Variants in TPM1 observed in about 807,000 individuals in gnomAD.
TPM1 encodes tropomyosin 1.
Under a neutral mutation model 42.9 loss-of-function variants are expected in TPM1, and 24 were observed. That is an observed-to-expected ratio of 0.56 (90% confidence interval 0.41 to 0.79). The LOEUF (loss-of-function observed/expected upper bound fraction) is 0.79, where lower values mean the gene tolerates loss of function less well. Among genes scored for constraint, TPM1 ranks in the 30% least tolerant of loss-of-function variants. The probability of loss-of-function intolerance (pLI) is 0.00; values close to 1 mark genes in which losing one functional copy is unlikely to be tolerated. For synonymous variants in TPM1, 136 were observed against 130.1 expected (o/e 1.05, Z -0.31); for missense variants, 158 against 351.8 (o/e 0.45, Z 4.41).
chr15:63,058,862 C>A (rs1402517495), intron 3 of TPM1, among the ~76,000 whole-genome samples: 1 of 152,142 alleles, frequency 6.6e-6, no homozygotes, highest in South Asian at 2.1e-4. Flanking sequence ...CGCTATAGGA[C>A]CCTAATATAC....
Position 63,064,406 on chromosome 15 carries a change from A to G in TPM1, c.851+264A>G, listed in dbSNP as rs116402578. The G allele has an allele frequency of 6.6e-4, 862 of 1,308,060 alleles. 8 individuals are homozygous for G. In the African/African-American group the frequency reaches 0.012, roughly 18 times the overall value. The allele number at this position is 1,308,060 out of a possible 1,614,324, so 81.0% of individuals were successfully genotyped here. ...CTAGAGCAGTGAACTAGAATGAGTG[A>G]CCTTGAGCACTGTCCTTTTGGGAAA... is the stretch of plus-strand genomic sequence containing the variant. On this transcript the variant is annotated intron_variant, in intron 9 of 9. Transcript: ENST00000403994.
chr15:63,066,146 A>G lies in TPM1; in HGVS notation c.*247A>G, dbSNP rs1322703636. ...TATTTATTGACATTTTAGTTTCAAC[A>G]TTGAATAAAACTACAAAGCTGCTTC... On this transcript the variant is annotated 3_prime_UTR_variant, in exon 10 of 10. Coordinates refer to ENST00000403994, the MANE Select transcript of TPM1 (RefSeq NM_001018005.2). 1.8e-5 allele frequency: 26 copies of G among 1,466,076 alleles called. No homozygotes were observed. The Admixed American group carries it at 6.5e-4, about 36-fold the overall frequency. The allele number at this position is 1,466,076 out of a possible 1,614,324, so 90.8% of individuals were successfully genotyped here.
At chr15:63,046,871 G>A (rs2032497398) in intron 2 of TPM1, 1 of 152,302 alleles carries the variant, frequency 6.6e-6, no homozygotes, top group Admixed American at 6.5e-5. Flanking sequence ...CCAGGCGGCA[G>A]CATTTAAAAA....
chr15:63,048,439 G>T (rs894496898), intron 2 of TPM1: 105 of 1,352,234 alleles, frequency 7.8e-5, no homozygotes, highest in Non-Finnish European at 9.5e-5. Context: ...GGCCGCAGGG[G>T]GCGCCGCCAT....
chr15:63,065,841 T>G (rs1442601675), intron 9 of TPM1, 55 bp from the exon 10 acceptor site: 183 of 1,570,926 alleles, frequency 1.2e-4, no homozygotes, highest in Non-Finnish European at 1.6e-4. Context: ...TTCTTTTTTT[T>G]TTTTTTCTCA....
In TPM1 at chr15:63,042,880, C is replaced by G. The variant is rs878854150; in HGVS notation, c.51C>G (p.Asn17Lys). 1.9e-6 allele frequency: 3 copies of G among 1,613,202 alleles called. No homozygotes were observed. The highest frequency in any genetic ancestry group is 2.5e-6 in the Non-Finnish European group (3 of 1,179,486). Residue 17 changes from asparagine to lysine, a missense_variant, in exon 1 of 10, where the codon AAC (asparagine) becomes AAG (lysine). Around this residue, in one of 4 missense-constraint regions of TPM1, gnomAD observed 24 missense variants for 26.8 expected, o/e 0.89. Transcript: ENST00000403994. ...KMQMLKLDKE[N>K]ALDRAEQAEA... ...AGATGCTGAAGCTCGACAAGGAGAA[C>G]GCCTTGGATCGAGCTGAGCAGGCGG... is the stretch of plus-strand genomic sequence containing the variant.
chr15:63,050,668 G>A (rs1025348042), intron 2 of TPM1, among the ~76,000 whole-genome samples: 1 of 152,138 alleles, frequency 6.6e-6, no homozygotes, highest in African/African-American at 2.4e-5. Context: ...CAATCTACCT[G>A]GGTGATTGAT....
rs187426434 is a variant in TPM1, at chr15:63,060,515, A to C, written c.493-354A>C. On this transcript the variant is annotated intron_variant, in intron 4 of 9. Transcript: ENST00000403994. ...CTTAGGTTTACTTTGTTTTCCTGGC[A>C]GCCCCCACCTTTTTAGTACATGTCT... Among the ~76,000 whole-genome samples, 22 of 152,302 alleles carry C rather than the reference A, an allele frequency of 1.4e-4. No homozygotes were observed. In the East Asian group the frequency reaches 2.5e-3, roughly 17 times the overall value.
At chr15:63,057,605 A>G (rs191765271) in intron 3 of TPM1, among the ~76,000 whole-genome samples, 2 of 152,384 alleles carry the variant, frequency 1.3e-5, no homozygotes, top group Admixed American at 6.5e-5. Flanking sequence ...CTGCAAAAGT[A>G]AAATATTTTG....
At chr15:63,052,794 A>C (rs980133057) in intron 2 of TPM1, among the ~76,000 whole-genome samples, 9 of 152,220 alleles carry the variant, frequency 5.9e-5, no homozygotes, top group Non-Finnish European at 8.8e-5. Flanking sequence ...CAGAAATAAA[A>C]GCTAGTAAAG....
At chr15:63,063,945 A>C in intron 8 of TPM1, 119 bp from the exon 9 acceptor site, 1 of 1,452,024 alleles carries the variant, frequency 6.9e-7, no homozygotes. Context: ...CAACCCCTTC[A>C]TGCATTGCCC....
intron 3 of TPM1, among the ~76,000 whole-genome samples, chr15:63,058,624 G>A (rs995304105): frequency 5.3e-5 from 8 of 152,124 alleles, no homozygotes; most frequent in South Asian, 4.1e-4. Flanking sequence ...CAGAAGAATC[G>A]CTTGAACCCA....
At chr15:63,064,568 C>T in intron 9 of TPM1, 3 of 1,048,024 alleles carry the variant, frequency 2.9e-6, no homozygotes, top group Non-Finnish European at 2.3e-6. Context: ...TTGAAGGAAC[C>T]CTTAAAGTGT....
In TPM1 at chr15:63,059,560, C is replaced by T. The variant is rs202228866; in HGVS notation, c.375-3C>T. 7.7e-4 allele frequency: 1,242 copies of T among 1,606,512 alleles called. 14 individuals are homozygous for T. The South Asian group carries it at 0.012, about 15-fold the overall frequency. ...GGGTTTTCTTGCTTGTCTTTCTTTTCAGAGGCATGAAAGTCATTGAGAGTC... is the reference window on the plus strand; with the variant it reads ...GGGTTTTCTTGCTTGTCTTTCTTTTTAGAGGCATGAAAGTCATTGAGAGTC... On this transcript the variant is annotated splice_polypyrimidine_tract_variant and splice_region_variant and intron_variant, in intron 3 of 9. Transcript: ENST00000403994.
chr15:63,057,230 TC>T (rs2034950046), intron 3 of TPM1, 112 bp downstream of exon 3: 1 of 1,440,102 alleles, frequency 6.9e-7, no homozygotes, highest in Admixed American at 1.9e-5. Flanking sequence ...GGTGGTGGGA[TC>T]ATTTCCTCTA....
rs74532838 is a variant in TPM1 at position 63,049,123 on chromosome 15, G to A, written c.240+4971G>A. The A allele has an allele frequency of 1.5e-4, 34 of 230,262 alleles. No homozygotes were observed. The East Asian group carries it at 5.8e-3, about 39-fold the overall frequency. 14.3% of individuals were successfully genotyped at this position (230,262 alleles called of 1,614,324 possible). The stretch of plus-strand genomic sequence containing the variant: ...TTGGAGATCCGTACTTTGAGAAGGG[G>A]CGCCGACAGGTCAAGTGGGAGAGGC... On this transcript the variant is annotated intron_variant, in intron 2 of 9. Transcript: ENST00000403994.
chr15:63,063,199 A>AC, intron 8 of TPM1: 2 of 985,128 alleles, frequency 2.0e-6, no homozygotes, highest in Non-Finnish European at 2.4e-6. Context: ...ACTCTATCTC[A>AC]CAGATATCCT....
chr15:63,062,559 C>A lies in TPM1; in HGVS notation c.703-17C>A. On this transcript the variant is annotated splice_polypyrimidine_tract_variant and intron_variant, in intron 7 of 9. Transcript: ENST00000403994. ...AACATAAAACTTCCCAACTTTAACT[C>A]AAATAAATCATTACAGGCTGAGACT... The A allele has an allele frequency of 6.2e-7, 1 of 1,614,092 alleles. No homozygotes were observed. The highest frequency in any genetic ancestry group is 2.2e-5 in the East Asian group (1 of 44,878).
chr15:63,070,023 C>G (rs2036519451), downstream of TPM1: 1 of 1,604,380 alleles, frequency 6.2e-7, no homozygotes, highest in African/African-American at 1.3e-5. Flanking sequence ...CTACCTTCAA[C>G]TAATAGAGTT....
Sources: gnomAD v4.1 joint callset for allele counts (sites outside exome capture counted in the v4.1 genomes callset) on GRCh38, gnomAD v4.1.1 for gene constraint, gnomAD v4.1.1 regional missense constraint, MANE v1.5 for transcripts, NCBI Gene and HGNC (gene_info 2026-07-23, HGNC 2026-07-21) for gene names.